The following ADAMTSL1 variants were observed in gnomAD, a reference collection of about 807,000 sequenced individuals.
The protein encoded by ADAMTSL1 is ADAMTS like 1.
ADAMTSL1 carries 126 observed loss-of-function variants against 201.8 expected under a neutral mutation model. That is an observed-to-expected ratio of 0.62 (90% CI 0.54 to 0.72). The LOEUF (loss-of-function observed/expected upper bound fraction) is 0.72. Among genes scored for constraint, ADAMTSL1 ranks in the 30% least tolerant of loss-of-function variants. The pLI is 0.00. For missense variants in ADAMTSL1, 2,679 were observed against 2,277.8 expected (o/e 1.18, Z -3.59); for synonymous variants, 1,121 against 903.4 (o/e 1.24, Z -4.32).
At chr9:18,856,271 C>G (rs947093739) in intron 23 of ADAMTSL1, among the ~76,000 whole-genome samples, 1 of 152,048 alleles carries the variant, frequency 6.6e-6, no homozygotes, top group Admixed American at 6.6e-5. Context: ...TACTTTTTTT[C>G]AGGATCTAAA....
At chr9:18,750,727 G>A (rs983065654) in intron 15 of ADAMTSL1, among the ~76,000 whole-genome samples, 1 of 152,174 alleles carries the variant, frequency 6.6e-6, no homozygotes, top group Non-Finnish European at 1.5e-5. Context: ...CAGTTCATGT[G>A]AGTGAGGAAT....
chr9:18,601,876 A>G (rs1256400482), intron 4 of ADAMTSL1, among the ~76,000 whole-genome samples: 2 of 152,046 alleles, frequency 1.3e-5, no homozygotes, highest in Non-Finnish European at 2.9e-5. Context: ...GATGTATAGT[A>G]AAATAATTTG....
chr9:18,427,005 A>G (rs866657943), intron 2 of ADAMTSL1, among the ~76,000 whole-genome samples: 1 of 152,238 alleles, frequency 6.6e-6, no homozygotes, highest in Non-Finnish European at 1.5e-5. Flanking sequence ...CACATCCCAC[A>G]TAGCACCTTG....
At chr9:18,079,682 A>AAAAT (rs200603951) in intron 1 of ADAMTSL1, among the ~76,000 whole-genome samples, 10,053 of 141,672 alleles carry the variant, frequency 0.071, 400 homozygotes, top group East Asian at 0.11. Flanking sequence ...ACTCTGTCTC[A>AAAAT]AAATAAATAA....
intron 20 of ADAMTSL1, among the ~76,000 whole-genome samples, chr9:18,797,972 A>C (rs908593303): frequency 6.6e-6 from 1 of 152,150 alleles, no homozygotes; most frequent in Non-Finnish European, 1.5e-5. Flanking sequence ...TTCAAGTATG[A>C]ACTTAGAAAC....
chr9:18,862,332 C>T (rs187534720), intron 23 of ADAMTSL1, among the ~76,000 whole-genome samples: 2 of 152,244 alleles, frequency 1.3e-5, no homozygotes, highest in South Asian at 2.1e-4. Flanking sequence ...TGGCTCGGAG[C>T]TGCTGCTGGC....
At chr9:18,391,349 C>T (rs1056454932) in intron 2 of ADAMTSL1, among the ~76,000 whole-genome samples, 5 of 151,980 alleles carry the variant, frequency 3.3e-5, no homozygotes, top group African/African-American at 1.2e-4. Context: ...TAATAGTTTG[C>T]TAAATTTCAT....
chr9:18,473,046 T>C (rs574137700), upstream of ADAMTSL1, among the ~76,000 whole-genome samples: 1 of 152,296 alleles, frequency 6.6e-6, no homozygotes, highest in Non-Finnish European at 1.5e-5. Flanking sequence ...CTTGTCGTCA[T>C]TTCACTGCTC....
intron 2 of ADAMTSL1, among the ~76,000 whole-genome samples, chr9:18,224,455 T>C (rs1452672891): frequency 6.6e-6 from 1 of 152,106 alleles, no homozygotes; most frequent in African/African-American, 2.4e-5. Context: ...CCAACACTAT[T>C]GCACTGGAGA....
intron 23 of ADAMTSL1, among the ~76,000 whole-genome samples, chr9:18,845,713 C>T (rs1826061552): frequency 6.6e-6 from 1 of 152,232 alleles, no homozygotes; most frequent in African/African-American, 2.4e-5. Flanking sequence ...CTAAGAGCGG[C>T]AAGGCTCTTG....
At chr9:18,291,734 C>G (rs1224923149) in intron 2 of ADAMTSL1, among the ~76,000 whole-genome samples, 2 of 132,896 alleles carry the variant, frequency 1.5e-5, no homozygotes, top group Non-Finnish European at 3.2e-5. Context: ...CTCTCTCTCT[C>G]TCTCTCTCTC....
At chr9:18,905,234 T>C (rs1480424503) in intron 26 of ADAMTSL1, among the ~76,000 whole-genome samples, 1 of 152,164 alleles carries the variant, frequency 6.6e-6, no homozygotes, top group African/African-American at 2.4e-5. Flanking sequence ...CTGGGGAAAG[T>C]TTAACAATCT....
chr9:18,711,974 C>T (rs1181893840), intron 14 of ADAMTSL1, among the ~76,000 whole-genome samples: 4 of 151,942 alleles, frequency 2.6e-5, no homozygotes, highest in Admixed American at 6.6e-5. Flanking sequence ...GAGGCACCCC[C>T]CAGCAGGGGC....
intron 1 of ADAMTSL1, among the ~76,000 whole-genome samples, chr9:17,909,224 C>G (rs1302625410): frequency 1.4e-5 from 2 of 147,158 alleles, no homozygotes; most frequent in Admixed American, 6.8e-5. Context: ...GGTATTAGCC[C>G]TTTGTCAGAT....
At chr9:18,266,621 A>G (rs1373468675) in intron 2 of ADAMTSL1, among the ~76,000 whole-genome samples, 1 of 152,184 alleles carries the variant, frequency 6.6e-6, no homozygotes, top group Non-Finnish European at 1.5e-5. Flanking sequence ...TAAAGCCAGA[A>G]CAAATTCAAG....
At chr9:18,215,558 C>CA (rs1460715621) in intron 2 of ADAMTSL1, among the ~76,000 whole-genome samples, 3 of 151,820 alleles carry the variant, frequency 2.0e-5, no homozygotes, top group South Asian at 4.2e-4. Flanking sequence ...GACTAGCAAT[C>CA]AAAAAAAATC....
chr9:18,903,690 A>G (rs573310934), intron 26 of ADAMTSL1, among the ~76,000 whole-genome samples: 2 of 144,570 alleles, frequency 1.4e-5, no homozygotes, highest in Admixed American at 1.4e-4. Context: ...GCTTCTCTAC[A>G]GTTGTCCCTT....
At position 18,866,115 on chromosome 9, in the gene ADAMTSL1, C is replaced by CG. The variant is rs1827521138; in HGVS notation, c.4250-21716_4250-21715insG. 7.4e-5 allele frequency among the ~76,000 whole-genome samples: 2 copies of CG among 26,888 alleles called. 1 individual carries two copies. Among genetic ancestry groups the CG allele is most frequent in the South Asian group, 4.3e-3 (2 of 464 alleles). The allele number at this position is 26,888 out of a possible 152,430, so 17.6% of individuals were successfully genotyped here. The stretch of plus-strand genomic sequence containing the variant: ...CAGAGAGATTGCTTGCCTTCAAAAA[C>CG]CAAAAAAAAAAAAAATGACGGATAC... On this transcript the variant is annotated intron_variant, in intron 23 of 28. Transcript: ENST00000380548.
rs139294891 is a variant in ADAMTSL1, at chr9:18,157,544, C to A, written c.88-6318C>A. ...TATAGCTGTTTCCCTAAATCAGACCCGAACTAAGCAGGAACATCTGTACCA... is the reference window on the plus strand; with the variant it reads ...TATAGCTGTTTCCCTAAATCAGACCAGAACTAAGCAGGAACATCTGTACCA... On this transcript the variant is annotated intron_variant, in intron 1 of 29. Transcript: ENST00000680146. Among the ~76,000 whole-genome samples the A allele has an allele frequency of 5.9e-5, 9 of 151,954 alleles. No homozygotes were observed. The East Asian group carries it at 1.4e-3, about 23-fold the overall frequency.
Sources: allele counts gnomAD v4.1 joint callset (sites outside exome capture counted in the v4.1 genomes callset), GRCh38; gene constraint gnomAD v4.1.1; transcripts MANE v1.5; gene names NCBI Gene and HGNC (gene_info 2026-07-23, HGNC 2026-07-21).